Variants in RHBDL2 observed in about 807,000 individuals in gnomAD.
RHBDL2 encodes rhomboid like 2, also known as rhomboid-related protein 2.
Under a neutral mutation model 31.7 loss-of-function variants are expected in RHBDL2, and 26 were observed. The observed-to-expected ratio is 0.82, with a 90% CI of 0.60 to 1.14. The LOEUF is 1.14. RHBDL2 is among the 50% of genes most tolerant of loss of function. The pLI is 0.00. For missense variants in RHBDL2, 336 were observed against 364.4 expected (o/e 0.92, Z 0.63); for synonymous variants, 123 against 127.2 (o/e 0.97, Z 0.22).
At chr1:38,924,057 T>C (rs1168973602) in intron 1 of RHBDL2, among the ~76,000 whole-genome samples, 2 of 152,022 alleles carry the variant, frequency 1.3e-5, no homozygotes, top group Non-Finnish European at 2.9e-5. Context: ...CAAAACCCTT[T>C]CCTTCATGGT....
At chr1:38,923,307 G>C (rs1347030498) in intron 1 of RHBDL2, among the ~76,000 whole-genome samples, 1 of 152,148 alleles carries the variant, frequency 6.6e-6, no homozygotes, top group African/African-American at 2.4e-5. Context: ...TATATTACAA[G>C]GATATTCATG....
intron 1 of RHBDL2, among the ~76,000 whole-genome samples, chr1:38,924,782 C>CTTTTTTT (rs111244874): frequency 4.0e-5 from 5 of 125,832 alleles, no homozygotes; most frequent in Non-Finnish European, 6.6e-5. Flanking sequence ...TTTCTTTTTT[C>CTTTTTTT]TTTTTTTTTT....
At chr1:38,924,268 A>G (rs1306010293) in intron 1 of RHBDL2, among the ~76,000 whole-genome samples, 1 of 152,038 alleles carries the variant, frequency 6.6e-6, no homozygotes, top group East Asian at 1.9e-4. Flanking sequence ...GAGGAAACAT[A>G]GAAAGATCCC....
chr1:38,909,658 T>C (rs1202719151), intron 4 of RHBDL2, among the ~76,000 whole-genome samples: 1 of 151,802 alleles, frequency 6.6e-6, no homozygotes, highest in South Asian at 2.1e-4. Context: ...GGGAGAATCA[T>C]TTGAACCTGG....
rs896081277 is a variant in RHBDL2, at chr1:38,888,017, C to T, written c.678G>A (p.Leu226=). 1 of 1,612,110 alleles carries T rather than the reference C, an allele frequency of 6.2e-7. No individual in the cohort carries two copies. Among genetic ancestry groups the T allele is most frequent in the Non-Finnish European group, 8.5e-7 (1 of 1,178,356 alleles). ...TTCTATAGAGAGCAAATCCCATGTC[C>T]AACACAACTAGAAGGAAAAACACCC... ...RLLIIILIIV[L]DMGFALYRRF... is the part of the protein sequence containing the mutation. The change falls in exon 7 of 8, where the codon TTG becomes TTA. Residue 226 remains leucine (L), a synonymous_variant. Coordinates refer to ENST00000372990, the MANE Select transcript of RHBDL2 (RefSeq NM_017821.5).
chr1:38,893,025 C>A, intron 6 of RHBDL2, 139 bp downstream of exon 6: 1 of 485,698 alleles, frequency 2.1e-6, no homozygotes, highest in South Asian at 4.9e-5. Context: ...TTTTGTACTT[C>A]AGACATACCA....
intron 1 of RHBDL2, among the ~76,000 whole-genome samples, chr1:38,937,616 C>G (rs144503402): frequency 2.6e-5 from 4 of 152,262 alleles, no homozygotes; most frequent in African/African-American, 9.6e-5. Flanking sequence ...TTGACACACC[C>G]TCACTGGGCA....
chr1:38,934,971 A>AAAT (rs1553160720), intron 1 of RHBDL2, among the ~76,000 whole-genome samples: 1 of 139,144 alleles, frequency 7.2e-6, no homozygotes, highest in Non-Finnish European at 1.6e-5. Flanking sequence ...AAAAAAAAAA[A>AAAT]TTTTTTTAAA....
chr1:38,889,386 G>T (rs9438978), intron 6 of RHBDL2, among the ~76,000 whole-genome samples: 52,824 of 151,982 alleles, frequency 0.35, 10,667 homozygotes, highest in Non-Finnish European at 0.45. Context: ...ACAGGCTTGA[G>T]CAACCACACT....
chr1:38,898,846 A>G (rs1475999290), intron 4 of RHBDL2, among the ~76,000 whole-genome samples: 4 of 152,220 alleles, frequency 2.6e-5, no homozygotes, highest in Non-Finnish European at 5.9e-5. Context: ...TGGGAAGACT[A>G]CCTGTTGCTT....
chr1:38,890,371 A>T (rs1642839345), intron 6 of RHBDL2, among the ~76,000 whole-genome samples: 1 of 152,142 alleles, frequency 6.6e-6, no homozygotes, highest in South Asian at 2.1e-4. Flanking sequence ...TAACATGCCC[A>T]TGGGTCTAGG....
intron 1 of RHBDL2, among the ~76,000 whole-genome samples, chr1:38,923,475 TCA>T (rs1643339417): frequency 6.6e-6 from 1 of 152,188 alleles, no homozygotes; most frequent in African/African-American, 2.4e-5. Context: ...CCCTGGAGCC[TCA>T]CAAAGCAAAT....
At chr1:38,894,097 T>C (rs1198712379) in intron 5 of RHBDL2, among the ~76,000 whole-genome samples, 1 of 152,178 alleles carries the variant, frequency 6.6e-6, no homozygotes, top group African/African-American at 2.4e-5. Flanking sequence ...GACCATGACC[T>C]ACAGTAAGAA....
intron 4 of RHBDL2, among the ~76,000 whole-genome samples, chr1:38,910,163 G>A (rs1643120777): frequency 6.6e-6 from 1 of 152,192 alleles, no homozygotes; most frequent in African/African-American, 2.4e-5. Flanking sequence ...TTATAGAAAT[G>A]GAGAACAGGT....
intron 7 of RHBDL2, among the ~76,000 whole-genome samples, chr1:38,887,307 T>C (rs557528289): frequency 6.6e-6 from 1 of 152,098 alleles, no homozygotes; most frequent in South Asian, 2.1e-4. Flanking sequence ...ACTCAACCTC[T>C]AGGACTCAAG....
At chr1:38,893,031 T>C in intron 6 of RHBDL2, 133 bp downstream of exon 6, 1 of 495,488 alleles carries the variant, frequency 2.0e-6, no homozygotes, top group Non-Finnish European at 3.7e-6. Context: ...ACTTCAGACA[T>C]ACCATAGACC....
intron 4 of RHBDL2, among the ~76,000 whole-genome samples, chr1:38,900,458 T>C (rs1230312064): frequency 2.6e-5 from 4 of 151,876 alleles, no homozygotes; most frequent in African/African-American, 7.3e-5. Context: ...CCATCTCCAC[T>C]AAAAACACAA....
chr1:38,924,614 C>T (rs957506041), intron 1 of RHBDL2, among the ~76,000 whole-genome samples: 3 of 151,456 alleles, frequency 2.0e-5, no homozygotes, highest in South Asian at 2.1e-4. Context: ...CAAGGAAACA[C>T]GGAAGGAACT....
chr1:38,914,173 T>C lies in RHBDL2; in HGVS notation c.395+1389A>G, dbSNP rs376743117. 3.3e-5 allele frequency among the ~76,000 whole-genome samples: 5 copies of C among 151,828 alleles called. No homozygotes were observed. The East Asian group carries it at 5.8e-4, about 18-fold the overall frequency. The stretch of plus-strand genomic sequence containing the variant: ...AAAACTAAATGGCGGGCACTGCATC[T>C]CCTATTACCAGTATTATTCCAGATG... On this transcript the variant is annotated intron_variant, in intron 3 of 7. Transcript: ENST00000372990.
Sources: allele counts gnomAD v4.1 joint callset (sites outside exome capture counted in the v4.1 genomes callset), GRCh38; gene constraint gnomAD v4.1.1; transcripts MANE v1.5; gene names NCBI Gene and HGNC (gene_info 2026-07-23, HGNC 2026-07-21).